RAD51C: variants seen among roughly 807,000 people sequenced by gnomAD.
RAD51C encodes the protein DNA repair protein RAD51 homolog 3.
RAD51C carries 42 observed loss-of-function variants against 45.0 expected under a neutral mutation model. The ratio of observed to expected loss-of-function variants is 0.93; its 90% CI spans 0.73 to 1.21. The LOEUF (loss-of-function observed/expected upper bound fraction) is 1.21, where lower values mean the gene tolerates loss of function less well. RAD51C is among the 50% of genes most tolerant of loss of function. The pLI, the probability that RAD51C is intolerant of heterozygous loss-of-function variation, is 0.00. For synonymous variants in RAD51C, 172 were observed against 159.8 expected (o/e 1.08, Z -0.58); for missense variants, 474 against 452.2 (o/e 1.05, Z -0.44).
chr17:58,726,987 A>C (rs2049181825), intron 7 of RAD51C, among the ~76,000 whole-genome samples: 1 of 150,216 alleles, frequency 6.7e-6, no homozygotes, highest in South Asian at 2.1e-4. Context: ...CGCCCAGCTA[A>C]TTTTTTGTAT....
chr17:58,706,471 T>C (rs573246201), intron 4 of RAD51C: 31 of 398,642 alleles, frequency 7.8e-5, no homozygotes, highest in African/African-American at 5.3e-4. Context: ...TCCTTTGCTT[T>C]GATGCTCTGC....
At chr17:58,711,848 G>A (rs1312553506) in intron 5 of RAD51C, among the ~76,000 whole-genome samples, 3 of 151,998 alleles carry the variant, frequency 2.0e-5, no homozygotes, top group African/African-American at 7.2e-5. Flanking sequence ...TTCTTTGCTT[G>A]AAGGTTTTTT....
intron 2 of RAD51C, 191 bp downstream of exon 2, chr17:58,695,380 A>G (rs1019509799): frequency 1.5e-6 from 2 of 1,349,704 alleles, no homozygotes; most frequent in African/African-American, 2.9e-5. Context: ...GTATGCAATT[A>G]TTCTGATGTG....
At chr17:58,708,406 C>A (rs1039813270) in intron 4 of RAD51C, among the ~76,000 whole-genome samples, 3 of 151,496 alleles carry the variant, frequency 2.0e-5, no homozygotes, top group Non-Finnish European at 3.0e-5. Context: ...ATATTCTTCT[C>A]TCTTATTTAC....
At chr17:58,715,018 C>T (rs1445789365) in intron 5 of RAD51C, among the ~76,000 whole-genome samples, 1 of 151,906 alleles carries the variant, frequency 6.6e-6, no homozygotes, top group East Asian at 1.9e-4. Context: ...AATGTCTGCT[C>T]CTTCAGTGTC....
intron 3 of RAD51C, among the ~76,000 whole-genome samples, chr17:58,699,376 TA>T (rs939655867): frequency 2.0e-5 from 3 of 151,842 alleles, no homozygotes; most frequent in African/African-American, 2.4e-5. Context: ...ATAAAAGTTT[TA>T]AAAAAAATGC....
chr17:58,724,881 A>G (rs1394978939), intron 7 of RAD51C, among the ~76,000 whole-genome samples: 1 of 152,188 alleles, frequency 6.6e-6, no homozygotes, highest in Non-Finnish European at 1.5e-5. Context: ...GTGGGCAAAG[A>G]TGGAATAAAA....
Position 58,732,476 on chromosome 17 carries a change from T to G in RAD51C, c.966-8T>G, listed in dbSNP as rs1181139153. On this transcript the variant is annotated splice_polypyrimidine_tract_variant and splice_region_variant and intron_variant, in intron 7 of 8. Transcript: ENST00000337432. The stretch of plus-strand genomic sequence containing the variant: ...GTTTGTATGTATTTATTCTTTTTCT[T>G]TAAGCAGGTTGGCAACATTGTACAA... 2 of 1,610,844 alleles carry G rather than the reference T, an allele frequency of 1.2e-6. No individual in the cohort carries two copies. The highest frequency in any genetic ancestry group is 1.7e-6 in the Non-Finnish European group (2 of 1,177,302).
chr17:58,719,197 C>T (rs1275347727), intron 5 of RAD51C, among the ~76,000 whole-genome samples: 3 of 151,942 alleles, frequency 2.0e-5, no homozygotes, highest in Non-Finnish European at 4.4e-5. Flanking sequence ...GCACTCCAGC[C>T]TGGGCAACAG....
chr17:58,726,014 A>C (rs1469520804), intron 7 of RAD51C, among the ~76,000 whole-genome samples: 1 of 151,466 alleles, frequency 6.6e-6, no homozygotes. Flanking sequence ...AAAAAAAAAA[A>C]AACAAGAAAA....
At chr17:58,729,736 T>C (rs1053449396) in intron 7 of RAD51C, among the ~76,000 whole-genome samples, 1 of 151,790 alleles carries the variant, frequency 6.6e-6, no homozygotes, top group African/African-American at 2.4e-5. Flanking sequence ...CACACTTGGC[T>C]AACTTTTGTA....
At chr17:58,731,583 T>C (rs990618746) in intron 7 of RAD51C, among the ~76,000 whole-genome samples, 1 of 152,278 alleles carries the variant, frequency 6.6e-6, no homozygotes, top group Admixed American at 6.5e-5. Context: ...AAGGTTTTTG[T>C]TTATATTTGT....
chr17:58,710,494 T>C (rs2048523575), intron 5 of RAD51C, among the ~76,000 whole-genome samples: 1 of 133,630 alleles, frequency 7.5e-6, no homozygotes, highest in South Asian at 2.6e-4. Flanking sequence ...AGACTCCGTC[T>C]CAAGGCAAAA....
intron 1 of RAD51C, 198 bp downstream of exon 1, chr17:58,692,986 A>G: frequency 1.4e-6 from 1 of 729,778 alleles, no homozygotes. Flanking sequence ...TCGTGAAAAC[A>G]TTTACTAATT....
chr17:58,710,750 TGAGGA>T (rs1254881256), intron 5 of RAD51C, among the ~76,000 whole-genome samples: 2 of 152,272 alleles, frequency 1.3e-5, no homozygotes, highest in African/African-American at 4.8e-5. Context: ...ATTTGAAATG[TGAGGA>T]GAGAAGTAAA....
intron 5 of RAD51C, among the ~76,000 whole-genome samples, chr17:58,711,557 C>G: frequency 6.6e-6 from 1 of 152,050 alleles, no homozygotes; most frequent in African/African-American, 2.4e-5. Flanking sequence ...ACATCTCGGG[C>G]TCAAGTGATC....
At position 58,734,632 on chromosome 17, in the gene RAD51C, T is replaced by C. The variant is rs917004642; in HGVS notation, c.*410T>C. On this transcript the variant is annotated 3_prime_UTR_variant, in exon 9 of 9. Coordinates refer to ENST00000337432, the MANE Select transcript of RAD51C (RefSeq NM_058216.3). ...TTTTTGGAGATGGATTCTCGCTCTG[T>C]AGTCCAGGCTGGAGTGCAATGGCGC... 3.8e-5 allele frequency: 8 copies of C among 211,470 alleles called. No homozygotes were observed. Among genetic ancestry groups the C allele is most frequent in the Non-Finnish European group, 7.4e-5 (8 of 108,210 alleles). The allele number at this position is 211,470 out of a possible 1,614,324, so 13.1% of individuals were successfully genotyped here.
intron 1 of RAD51C, chr17:58,693,625 A>G (rs555972134): frequency 6.6e-6 from 1 of 152,312 alleles, no homozygotes; most frequent in Non-Finnish European, 1.5e-5. Flanking sequence ...TTTTTCTTCA[A>G]CAAGTTGGCT....
Position 58,720,813 on chromosome 17 carries a change from G to T in RAD51C, c.904+1G>T, listed in dbSNP as rs1555602159. The T allele has an allele frequency of 6.2e-7, 1 of 1,606,440 alleles. No homozygotes were observed. The highest frequency in any genetic ancestry group is 8.5e-7 in the Non-Finnish European group (1 of 1,174,268). On this transcript the variant is annotated splice_donor_variant, in intron 6 of 8. Coordinates refer to ENST00000337432, the MANE Select transcript of RAD51C (RefSeq NM_058216.3). LOFTEE classifies it high-confidence loss of function. Reference sequence around the variant, plus strand: ...CAGGCCTTGCTTGTTCCTGCATTAGGTGGGTAATTAATCAGATAAACATTT... The same window carrying T: ...CAGGCCTTGCTTGTTCCTGCATTAGTTGGGTAATTAATCAGATAAACATTT...
Sources: gnomAD v4.1 joint callset for allele counts (sites outside exome capture counted in the v4.1 genomes callset) on GRCh38, gnomAD v4.1.1 for gene constraint, MANE v1.5 for transcripts, NCBI Gene and HGNC (gene_info 2026-07-23, HGNC 2026-07-21) for gene names.